Variants in DNHD1 observed in about 807,000 individuals in gnomAD.
DNHD1 encodes dynein heavy chain domain 1, also known as dynein heavy chain domain-containing protein 1.
In DNHD1, 383 loss-of-function variants were observed where a neutral mutation model predicts 458.1. That is an observed-to-expected ratio of 0.84 (90% CI 0.77 to 0.91). The LOEUF is 0.91. DNHD1 is among the 40% of genes least tolerant of loss of function. The pLI is 0.00. For synonymous variants in DNHD1, 2,203 were observed against 2,376.9 expected, an observed-to-expected ratio of 0.93 and a Z score of 2.13; for missense variants, 5,336 against 5,866.1, an observed-to-expected ratio of 0.91 and a Z score of 2.95.
At chr11:6,509,711 C>CT (rs1279192431) in intron 6 of DNHD1, among the ~76,000 whole-genome samples, 16 of 151,630 alleles carry the variant, frequency 1.1e-4, no homozygotes, top group East Asian at 3.9e-4. Flanking sequence ...TTCTATTTTT[C>CT]TTTTTTTTGG....
chr11:6,547,510 C>CCA lies in DNHD1; in HGVS notation c.6571_6572insCA (p.Arg2191ProfsTer45). 6.4e-7 allele frequency: 1 copy of CCA among 1,550,906 alleles called. No homozygotes were observed. Among genetic ancestry groups the CCA allele is most frequent in the Non-Finnish European group, 8.7e-7 (1 of 1,146,298 alleles). On this transcript the variant is annotated frameshift_variant, in exon 21 of 43. Transcript: ENST00000254579. LOFTEE classifies it high-confidence loss of function. ...TGAGGTTCTGGTGCCTGCAACATTG[C>CCA]GATTCCTCACCTGCCAAGGTGTCAG...
rs1392117473 is a variant in DNHD1 at position 6,571,962 on chromosome 11, T to C, written c.14238T>C (p.His4746=). The C allele has an allele frequency of 1.9e-6, 3 of 1,611,814 alleles. No individual in the cohort carries two copies. Among genetic ancestry groups the C allele is most frequent in the Non-Finnish European group, 2.5e-6 (3 of 1,178,332 alleles). The change falls in exon 43 of 43, where the codon CAT becomes CAC. Residue 4746 remains histidine (H), a synonymous_variant. Transcript: ENST00000254579. The surrounding 1 kb of genome is among the most constrained non-coding windows in gnomAD (Gnocchi z 5.0). The stretch of plus-strand genomic sequence containing the variant: ...ACACCTGTGTCCAAAGGAGGGTCCA[T>C]GTGTGCAGCCCACCCCTGTCTTGAG... The part of the protein sequence containing the change: ...TPNTCVQRRV[H]VCSPPLS
Position 6,568,102 on chromosome 11 carries a change from A to T in DNHD1, c.12398A>T (p.Asp4133Val). The change falls in exon 37 of 43, where the codon GAC becomes GTC. Residue 4133 changes from aspartate (D) to valine (V), a missense_variant. Asp to Val is a radical substitution (Grantham distance 152). This residue lies in a region of DNHD1 where 695 missense variants were observed against 804.2 expected (regional missense o/e 0.86). Coordinates refer to ENST00000254579, the MANE Select transcript of DNHD1 (RefSeq NM_144666.3). The stretch of plus-strand genomic sequence containing the variant: ...ATAGCCCTGGGCTCTGAAGCCTGGG[A>T]CCCAGTCTCAGTTGTGGTCAGCACT... ...QVIALGSEAWDPVSVVVSTLS... is the reference protein window; with the variant it reads ...QVIALGSEAWVPVSVVVSTLS... 6.4e-7 allele frequency: 1 copy of T among 1,573,544 alleles called. No individual in the cohort carries two copies. Among genetic ancestry groups the T allele is most frequent in the Non-Finnish European group, 8.6e-7 (1 of 1,158,496 alleles).
Position 6,562,990 on chromosome 11 carries a change from C to G in DNHD1, c.9528C>G (p.Ser3176Arg). ...QQLKDSGKSLSMFQQQLEQSK... is the reference protein window; with the variant it reads ...QQLKDSGKSLRMFQQQLEQSK... ...TGGATCTGTCTCTGCAGAGTCTCAG[C>G]ATGTTTCAGCAGCAGCTAGAGCAAA... The change falls in exon 29 of 43, where the codon AGC becomes AGG. Residue 3176 changes from serine to arginine, a missense_variant. By Grantham distance (110) the Ser-to-Arg change is moderately radical. Coordinates refer to ENST00000254579, the MANE Select transcript of DNHD1 (RefSeq NM_144666.3). 6.4e-7 allele frequency: 1 copy of G among 1,551,556 alleles called. No individual in the cohort carries two copies. The highest frequency in any genetic ancestry group is 1.2e-5 in the South Asian group (1 of 84,046).
In DNHD1 at chr11:6,544,598, C is replaced by T; in HGVS notation, c.3779C>T (p.Thr1260Ile). ...GGTGCCCTGCTGGAGGTGTGGCTGA[C>T]TTTCCAGCAGAAGTGGATTTTTCTG... ...GLGALLEVWL[T>I]FQQKWIFLNK... The change falls in exon 20 of 43, where the codon ACT (threonine) becomes ATT (isoleucine). Residue 1260 changes from threonine (T) to isoleucine (I), a missense_variant. Thr to Ile is a moderately conservative substitution (Grantham distance 89, BLOSUM62 -1). Coordinates refer to ENST00000254579, the MANE Select transcript of DNHD1 (RefSeq NM_144666.3). 2.6e-6 allele frequency: 4 copies of T among 1,551,484 alleles called. No homozygotes were observed. The highest frequency in any genetic ancestry group is 3.5e-6 in the Non-Finnish European group (4 of 1,146,930).
At chr11:6,531,778 A>G (rs1391819629) in intron 12 of DNHD1, among the ~76,000 whole-genome samples, 1 of 152,136 alleles carries the variant, frequency 6.6e-6, no homozygotes, top group Non-Finnish European at 1.5e-5. Flanking sequence ...CTGTCCCCCA[A>G]ACTCACTATT....
Position 6,557,315 on chromosome 11 carries a change from G to C in DNHD1, c.8020G>C (p.Val2674Leu). The change falls in exon 25 of 43, where the codon GTA becomes CTA. Residue 2674 changes from valine (V) to leucine (L), a missense_variant. By Grantham distance (32) the Val-to-Leu change is conservative (BLOSUM62 1). This residue lies in a region of DNHD1 where 3,932 missense variants were observed against 4,365.6 expected (regional missense o/e 0.90). Transcript: ENST00000254579. Reference sequence around the variant, plus strand: ...CTCCTACTGTGCCAAGCTGCTCCTAGTAGTAGCTCAAAGTGTCTTCTGCTG... The same window carrying C: ...CTCCTACTGTGCCAAGCTGCTCCTACTAGTAGCTCAAAGTGTCTTCTGCTG... ...ERSYCAKLLLVVAQSVFCCGP... is the reference protein window; with the variant it reads ...ERSYCAKLLLLVAQSVFCCGP... 6.4e-7 allele frequency: 1 copy of C among 1,551,640 alleles called. No individual in the cohort carries two copies. The highest frequency in any genetic ancestry group is 8.7e-7 in the Non-Finnish European group (1 of 1,147,024).
At position 6,558,163 on chromosome 11, in the gene DNHD1, C is replaced by A; in HGVS notation, c.8868C>A (p.Arg2956=). The change falls in exon 25 of 43, where the codon CGC becomes CGA. Residue 2956 remains arginine, a synonymous_variant. Transcript: ENST00000254579. ...GTGTGGATCTCACTACACTTCATCG[C>A]CTCCTGGCCCTGGCAACCTCAGGCA... The part of the protein sequence containing the change: ...PSGVDLTTLH[R]LLALATSGSF... 1.3e-6 allele frequency: 2 copies of A among 1,551,628 alleles called. No homozygotes were observed. The highest frequency in any genetic ancestry group is 1.7e-6 in the Non-Finnish European group (2 of 1,146,992).
At chr11:6,558,373 T>C (rs1589892581) in intron 25 of DNHD1, 76 bp downstream of exon 25, 2 of 1,532,150 alleles carry the variant, frequency 1.3e-6, no homozygotes, top group East Asian at 4.9e-5. Flanking sequence ...AGGAATTCTG[T>C]GGGCTGCCAT....
At position 6,528,977 on chromosome 11, in the gene DNHD1, A is replaced by C; in HGVS notation, c.2203A>C (p.Met735Leu). The change falls in exon 12 of 43, where the codon ATG (methionine) becomes CTG (leucine). Residue 735 changes from methionine (M) to leucine (L), a missense_variant. By Grantham distance (15) the Met-to-Leu change is conservative. This residue lies in a region of DNHD1 where 3,932 missense variants were observed against 4,365.6 expected (regional missense o/e 0.90). Coordinates refer to ENST00000254579, the MANE Select transcript of DNHD1 (RefSeq NM_144666.3). ...QSWGPQKLED[M>L]RGGPIKNYVT... is the part of the protein sequence containing the mutation. Reference sequence around the variant, plus strand: ...CTGGGGGCCTCAGAAGCTGGAAGACATGAGAGGTGGTCCCATCAAGAACTA... The same window carrying C: ...CTGGGGGCCTCAGAAGCTGGAAGACCTGAGAGGTGGTCCCATCAAGAACTA... 1 of 1,551,622 alleles carries C rather than the reference A, an allele frequency of 6.4e-7. No homozygotes were observed. Among genetic ancestry groups the C allele is most frequent in the Non-Finnish European group, 8.7e-7 (1 of 1,146,950 alleles).
chr11:6,546,393 G>T lies in DNHD1; in HGVS notation c.5454G>T (p.Leu1818=), dbSNP rs1250144764. ...TGAGCTCTGCTGTGCCTGCCAACCT[G>T]CACCTGCTGCTGCGGCCTGTGGCAT... ...RALSSAVPAN[L]HLLLRPVALA... is the part of the protein sequence containing the mutation. The change falls in exon 21 of 43, where the codon CTG becomes CTT. Residue 1818 remains leucine (L), a synonymous_variant. Coordinates refer to ENST00000254579, the MANE Select transcript of DNHD1 (RefSeq NM_144666.3). 4.5e-6 allele frequency: 7 copies of T among 1,551,958 alleles called. No homozygotes were observed. Among genetic ancestry groups the T allele is most frequent in the Non-Finnish European group, 4.4e-6 (5 of 1,147,078 alleles).
chr11:6,510,780 A>G (rs74999663), intron 6 of DNHD1, among the ~76,000 whole-genome samples: 1,653 of 152,246 alleles, frequency 0.011, 27 homozygotes, highest in African/African-American at 0.037. Context: ...TATCCTTTTC[A>G]AGGATGTTTA....
chr11:6,539,101 G>A (rs1853032545), intron 16 of DNHD1, 118 bp from the exon 17 acceptor site: 2 of 731,250 alleles, frequency 2.7e-6, no homozygotes, highest in Admixed American at 4.7e-5. Flanking sequence ...GTTGTGCTCT[G>A]AGATCTGCTA....
rs978791163 is a variant in DNHD1, at chr11:6,571,564, C to T, written c.13912-72C>T. The T allele has an allele frequency of 3.2e-5, 47 of 1,466,258 alleles. No homozygotes were observed. Among genetic ancestry groups the T allele is most frequent in the Non-Finnish European group, 4.1e-5 (45 of 1,097,766 alleles). The allele number at this position is 1,466,258 out of a possible 1,614,324, so 90.8% of individuals were successfully genotyped here. ...TCTCGCTTCACCACGACCTCCTACCCGCTAACCCCCACTTCCCACCTGCCA... is the reference window on the plus strand; with the variant it reads ...TCTCGCTTCACCACGACCTCCTACCTGCTAACCCCCACTTCCCACCTGCCA... On this transcript the variant is annotated intron_variant, in intron 42 of 42. Coordinates refer to ENST00000254579, the MANE Select transcript of DNHD1 (RefSeq NM_144666.3). The surrounding 1 kb of genome is among the most constrained non-coding windows in gnomAD (Gnocchi z 5.0).
rs981360948 is a variant in DNHD1, at chr11:6,555,028, T to C, written c.7388-1655T>C. Among the ~76,000 whole-genome samples the C allele has an allele frequency of 3.3e-5, 5 of 152,200 alleles. No individual in the cohort carries two copies. The South Asian group carries it at 1.0e-3, about 31-fold the overall frequency. On this transcript the variant is annotated intron_variant, in intron 24 of 42. Transcript: ENST00000254579. ...AATGGCTCCAGGTGGTGGCAAGAGATAAGAGTTTAGAAGCGCCTCTCCCAC... is the reference window on the plus strand; with the variant it reads ...AATGGCTCCAGGTGGTGGCAAGAGACAAGAGTTTAGAAGCGCCTCTCCCAC...
Position 6,566,394 on chromosome 11 carries a change from G to GT in DNHD1, c.11206+2dup. 1 of 1,558,936 alleles carries GT rather than the reference G, an allele frequency of 6.4e-7. No individual in the cohort carries two copies. The highest frequency in any genetic ancestry group is 8.7e-7 in the Non-Finnish European group (1 of 1,151,268). On this transcript the variant is annotated splice_donor_variant, in intron 34 of 42. Transcript: ENST00000254579. LOFTEE classifies it high-confidence loss of function. ...CTCTCCCTCTGTGCCATGGAAAAAG[G>GT]TGAGGCCCAGAGGGCAAATTGCCAG...
chr11:6,559,359 G>A, intron 28 of DNHD1, 76 bp downstream of exon 28: 1 of 1,241,806 alleles, frequency 8.1e-7, no homozygotes, highest in South Asian at 1.4e-5. Context: ...GAAGCAACCA[G>A]AATGAACCTT....
In DNHD1 at chr11:6,566,911, T is replaced by C. The variant is rs1183325577; in HGVS notation, c.11402T>C (p.Met3801Thr). The change falls in exon 36 of 43, where the codon ATG becomes ACG. Residue 3801 changes from methionine (M) to threonine (T), a missense_variant. Met to Thr is a moderately conservative substitution (Grantham distance 81). Around this residue, in one of 4 missense-constraint regions of DNHD1, gnomAD observed 695 missense variants for 804.2 expected, o/e 0.86. Coordinates refer to ENST00000254579, the MANE Select transcript of DNHD1 (RefSeq NM_144666.3). ...VEAAEERLLTMLLFQNPKRQK... is the reference protein window; with the variant it reads ...VEAAEERLLTTLLFQNPKRQK... ...TGTATGCAGGAGCGGCTGCTGACGA[T>C]GCTGCTGTTCCAGAATCCGAAGCGT... 6.2e-7 allele frequency: 1 copy of C among 1,613,162 alleles called. No homozygotes were observed. The highest frequency in any genetic ancestry group is 8.5e-7 in the Non-Finnish European group (1 of 1,179,458).
chr11:6,508,999 C>G lies in DNHD1; in HGVS notation c.1040C>G (p.Thr347Ser). The G allele has an allele frequency of 1.2e-6, 2 of 1,614,230 alleles. No individual in the cohort carries two copies. The highest frequency in any genetic ancestry group is 4.5e-5 in the East Asian group (2 of 44,892). The change falls in exon 5 of 43, where the codon ACC becomes AGC. Residue 347 changes from threonine (T) to serine (S), a missense_variant. Around this residue, in one of 4 missense-constraint regions of DNHD1, gnomAD observed 3,932 missense variants for 4,365.6 expected, o/e 0.90. Coordinates refer to ENST00000254579, the MANE Select transcript of DNHD1 (RefSeq NM_144666.3). ...VEGSETMTLG[T>S]WHHHCVLWQQ... ...GGTAGCGAGACGATGACACTGGGTA[C>G]CTGGCACCATCACTGTGTTCTCTGG...
Sources: gnomAD v4.1 joint callset for allele counts (sites outside exome capture counted in the v4.1 genomes callset) on GRCh38, gnomAD v4.1.1 for gene constraint, gnomAD v4.1.1 regional missense constraint, Gnocchi (gnomAD v3.1) non-coding constraint, MANE v1.5 for transcripts, NCBI Gene and HGNC (gene_info 2026-07-23, HGNC 2026-07-21) for gene names.